ZNF438: variants seen among roughly 807,000 people sequenced by gnomAD.
ZNF438 encodes zinc finger protein 438.
Under a neutral mutation model 38.0 loss-of-function variants are expected in ZNF438, and 25 were observed. The ratio of observed to expected loss-of-function variants is 0.66; its 90% CI spans 0.48 to 0.92. The LOEUF (loss-of-function observed/expected upper bound fraction) is 0.92, where lower values mean the gene tolerates loss of function less well. Among genes scored for constraint, ZNF438 ranks in the 40% least tolerant of loss-of-function variants. The pLI, the probability that ZNF438 is intolerant of heterozygous loss-of-function variation, is 0.00. For synonymous variants in ZNF438, 372 were observed against 364.1 expected (o/e 1.02, Z -0.25); for missense variants, 1,007 against 999.6 (o/e 1.01, Z -0.10).
At chr10:30,977,714 G>T (rs1371216672) in intron 1 of ZNF438, among the ~76,000 whole-genome samples, 1 of 152,146 alleles carries the variant, frequency 6.6e-6, no homozygotes, top group Non-Finnish European at 1.5e-5. Context: ...GCCCGGCACG[G>T]TGGCTCACGT....
intron 2 of ZNF438, among the ~76,000 whole-genome samples, chr10:30,915,548 A>G (rs1184556879): frequency 6.6e-6 from 1 of 151,852 alleles, no homozygotes; most frequent in Non-Finnish European, 1.5e-5. Context: ...CAAATGTAGG[A>G]CTATATAGGA....
At chr10:30,973,007 G>A (rs113002059) in intron 1 of ZNF438, among the ~76,000 whole-genome samples, 9 of 152,124 alleles carry the variant, frequency 5.9e-5, no homozygotes, top group African/African-American at 1.9e-4. Flanking sequence ...GAAAGCACAT[G>A]TATCAACAAT....
intron 3 of ZNF438, among the ~76,000 whole-genome samples, chr10:30,898,534 A>G (rs2041626064): frequency 6.6e-6 from 1 of 152,154 alleles, no homozygotes; most frequent in Non-Finnish European, 1.5e-5. Flanking sequence ...GCATATACAC[A>G]CACATATATA....
intron 1 of ZNF438, among the ~76,000 whole-genome samples, chr10:30,958,783 A>G (rs2049147117): frequency 6.8e-6 from 1 of 147,006 alleles, no homozygotes; most frequent in Non-Finnish European, 1.5e-5. Context: ...TCCCTTTTCT[A>G]GAAATTTCAT....
intron 1 of ZNF438, among the ~76,000 whole-genome samples, chr10:31,002,250 A>C (rs1439558527): frequency 2.0e-5 from 3 of 152,238 alleles, no homozygotes; most frequent in African/African-American, 7.2e-5. Context: ...GGTAAACATA[A>C]TCCCACCTTT....
rs147524721 is a variant in ZNF438, at chr10:30,859,335, C to T, written c.38-8968G>A. Among the ~76,000 whole-genome samples, 1,106 of 152,292 alleles carry T rather than the reference C, an allele frequency of 7.3e-3. 13 individuals carry two copies. Among genetic ancestry groups the T allele is most frequent in the African/African-American group, 0.024 (1,014 of 41,550 alleles). ...TTAAGCAATCCACCTGCCTCAGCCT[C>T]CCAAAGTGCTGTGATTACAGGCGTG... On this transcript the variant is annotated intron_variant, in intron 4 of 5. Transcript: ENST00000413025.
At chr10:30,898,019 C>CA (rs2041559363) in intron 3 of ZNF438, among the ~76,000 whole-genome samples, 2 of 152,058 alleles carry the variant, frequency 1.3e-5, no homozygotes, top group Non-Finnish European at 2.9e-5. Context: ...ATTACAAAAT[C>CA]AATTGGTTGC....
At chr10:30,925,591 T>C (rs1477012650) in intron 2 of ZNF438, among the ~76,000 whole-genome samples, 1 of 152,196 alleles carries the variant, frequency 6.6e-6, no homozygotes, top group Admixed American at 6.5e-5. Flanking sequence ...CACTGGGAAG[T>C]GGTTGCCCAG....
chr10:30,900,511 T>G (rs1456957899), intron 3 of ZNF438, among the ~76,000 whole-genome samples: 1 of 152,222 alleles, frequency 6.6e-6, no homozygotes, highest in Non-Finnish European at 1.5e-5. Flanking sequence ...AACATTTATT[T>G]TGAGATTACT....
intron 3 of ZNF438, among the ~76,000 whole-genome samples, chr10:30,903,632 G>A (rs1268958255): frequency 1.3e-5 from 2 of 152,142 alleles, no homozygotes; most frequent in Non-Finnish European, 2.9e-5. Flanking sequence ...ATTATAAGAA[G>A]ACACGGGACT....
exon 6 of ZNF438, chr10:30,845,375 T>C (rs1471202299): frequency 1.2e-6 from 2 of 1,614,040 alleles, no homozygotes; most frequent in Non-Finnish European, 1.7e-6. Context: ...GCACCAACTC[T>C]TCCTGAGTCC....
chr10:30,904,912 G>A (rs1275468776), intron 3 of ZNF438, among the ~76,000 whole-genome samples: 2 of 152,078 alleles, frequency 1.3e-5, no homozygotes, highest in African/African-American at 2.4e-5. Context: ...AATCTTAGTG[G>A]CCCCTGTATC....
chr10:30,857,570 C>T, intron 4 of ZNF438: 1 of 897,356 alleles, frequency 1.1e-6, no homozygotes, highest in Non-Finnish European at 1.7e-6. Flanking sequence ...TTTCTATTAC[C>T]ATTAAATTAT....
chr10:30,955,914 A>T (rs944203396), intron 1 of ZNF438, among the ~76,000 whole-genome samples: 46 of 152,238 alleles, frequency 3.0e-4, no homozygotes, highest in Admixed American at 3.0e-3. Context: ...GTGATTTTGC[A>T]GAAGCAATTT....
chr10:30,956,151 T>C (rs1460247183), intron 1 of ZNF438, among the ~76,000 whole-genome samples: 2 of 152,192 alleles, frequency 1.3e-5, no homozygotes, highest in African/African-American at 4.8e-5. Flanking sequence ...TTTCTCATGA[T>C]TGAAGCAAGA....
chr10:30,861,589 G>T (rs975967438), intron 4 of ZNF438, among the ~76,000 whole-genome samples: 3 of 152,198 alleles, frequency 2.0e-5, no homozygotes, highest in Middle Eastern at 6.8e-3. Flanking sequence ...TGTCCCAAGG[G>T]AAAAGTACAT....
At position 30,930,803 on chromosome 10, in the gene ZNF438, CAAAAAAAAAAAAAA is replaced by C. The variant is rs71527620; in HGVS notation, c.-115+10758_-115+10771del. 2.5e-3 allele frequency among the ~76,000 whole-genome samples: 96 copies of C among 38,446 alleles called. 1 individual carries two copies. Among genetic ancestry groups the C allele is most frequent in the Middle Eastern group, 0.042 (2 of 48 alleles). The allele number at this position is 38,446 out of a possible 152,430, so 25.2% of individuals were successfully genotyped here. ...GCCTGGCGACAGAGAGAAACTCAGTCAAAAAAAAAAAAAAAAAAAAAAAAAAAAAAAGCAAATGG... is the reference window on the plus strand; with the variant it reads ...GCCTGGCGACAGAGAGAAACTCAGTCAAAAAAAAAAAAAAAAAGCAAATGG... On this transcript the variant is annotated intron_variant, in intron 2 of 5. Transcript: ENST00000413025.
chr10:30,853,948 T>C (rs1480512689), intron 4 of ZNF438, among the ~76,000 whole-genome samples: 4 of 151,816 alleles, frequency 2.6e-5, no homozygotes, highest in Admixed American at 1.3e-4. Flanking sequence ...TGAGCTGAGA[T>C]CATGCCACTG....
intron 1 of ZNF438, among the ~76,000 whole-genome samples, chr10:30,943,115 GT>G (rs199527053): frequency 4.0e-5 from 6 of 150,362 alleles, no homozygotes; most frequent in Non-Finnish European, 8.9e-5. Flanking sequence ...CATTGGTGCT[GT>G]TTTTTTTTCA....
Sources: gnomAD v4.1 joint callset for allele counts (sites outside exome capture counted in the v4.1 genomes callset) on GRCh38, gnomAD v4.1.1 for gene constraint, MANE v1.5 for transcripts, NCBI Gene and HGNC (gene_info 2026-07-23, HGNC 2026-07-21) for gene names.